The following USP38 variants were observed in gnomAD, a reference collection of about 807,000 sequenced individuals.
The protein encoded by USP38 is ubiquitin specific peptidase 38, also known as ubiquitin carboxyl-terminal hydrolase 38.
A neutral mutation model predicts 94.3 loss-of-function variants in USP38; 49 were observed. The observed-to-expected ratio is 0.52, with a 90% CI of 0.41 to 0.66. The LOEUF (loss-of-function observed/expected upper bound fraction) is 0.66, where lower values mean the gene tolerates loss of function less well. Among genes scored for constraint, USP38 ranks in the 30% least tolerant of loss-of-function variants. The pLI, the probability that USP38 is intolerant of heterozygous loss-of-function variation, is 0.00. For synonymous variants in USP38, 468 were observed against 463.6 expected, an observed-to-expected ratio of 1.01 and a Z score of -0.12; for missense variants, 1,128 against 1,229.4, an observed-to-expected ratio of 0.92 and a Z score of 1.23.
At chr4:143,204,531 A>T (rs1048325110) in intron 5 of USP38, 3 of 397,918 alleles carry the variant, frequency 7.5e-6, no homozygotes, top group Non-Finnish European at 1.5e-5. Context: ...CTGGGACTCC[A>T]GGTGCACACC....
chr4:143,199,494 T>G (rs1218943286), intron 4 of USP38, among the ~76,000 whole-genome samples: 1 of 152,204 alleles, frequency 6.6e-6, no homozygotes, highest in Non-Finnish European at 1.5e-5. Context: ...CCTCTTGGTG[T>G]ATACCCCATA....
intron 8 of USP38, 122 bp from the exon 9 acceptor site, chr4:143,213,459 A>C: frequency 8.6e-7 from 1 of 1,158,814 alleles, no homozygotes; most frequent in Non-Finnish European, 1.2e-6. Flanking sequence ...TAAAACAGGA[A>C]AAACCTGATT....
chr4:143,188,118 G>A (rs1731282754), intron 2 of USP38, among the ~76,000 whole-genome samples, 157 bp downstream of exon 2: 1 of 152,038 alleles, frequency 6.6e-6, no homozygotes, highest in Non-Finnish European at 1.5e-5. Context: ...TGTTTATAGC[G>A]TTGACAGGCA....
chr4:143,199,946 G>T (rs1731663610), intron 4 of USP38, among the ~76,000 whole-genome samples: 1 of 152,136 alleles, frequency 6.6e-6, no homozygotes, highest in Non-Finnish European at 1.5e-5. Context: ...TCTGTTGATA[G>T]TTTCTTTTGC....
At position 143,213,675 on chromosome 4, in the gene USP38, A is replaced by G. The variant is rs750404909; in HGVS notation, c.1699A>G (p.Ser567Gly). The G allele has an allele frequency of 6.2e-7, 1 of 1,613,610 alleles. No homozygotes were observed. Among genetic ancestry groups the G allele is most frequent in the East Asian group, 2.2e-5 (1 of 44,796 alleles). ...CSETSLQEVASKAAVLTETPR... is the reference protein window; with the variant it reads ...CSETSLQEVAGKAAVLTETPR... ...TGAAACTTCTTTACAGGAAGTAGCT[A>G]GTAAAGCAGCAGTACTAACAGAGAC... is the stretch of plus-strand genomic sequence containing the variant. The change falls in exon 9 of 10, where the codon AGT becomes GGT. Residue 567 changes from serine to glycine, a missense_variant. Coordinates refer to ENST00000307017, the MANE Select transcript of USP38 (RefSeq NM_032557.6).
chr4:143,217,812 C>T (rs572834058), intron 9 of USP38, among the ~76,000 whole-genome samples: 1 of 152,298 alleles, frequency 6.6e-6, no homozygotes, highest in African/African-American at 2.4e-5. Context: ...AAACCATTCT[C>T]TACTCTGTGT....
intron 2 of USP38, among the ~76,000 whole-genome samples, chr4:143,193,143 T>C (rs1474449317): frequency 6.6e-6 from 1 of 152,192 alleles, no homozygotes; most frequent in Non-Finnish European, 1.5e-5. Flanking sequence ...ACATCTTTTT[T>C]ATGTCCATAT....
In USP38 at chr4:143,190,678, T is replaced by C. The variant is rs183012728; in HGVS notation, c.818+2717T>C. Among the ~76,000 whole-genome samples, 28 of 152,304 alleles carry C rather than the reference T, an allele frequency of 1.8e-4. No homozygotes were observed. In the East Asian group the frequency reaches 2.9e-3, roughly 16 times the overall value. On this transcript the variant is annotated intron_variant, in intron 2 of 9. Transcript: ENST00000307017. ...ATTAATAAGTCCTTTGGATTATTTCTTTAGGACATTTCTTAAAATGATGCT... is the reference window on the plus strand; with the variant it reads ...ATTAATAAGTCCTTTGGATTATTTCCTTAGGACATTTCTTAAAATGATGCT...
Position 143,210,188 on chromosome 4 carries a change from G to A in USP38, c.1497+531G>A, listed in dbSNP as rs182714770. ...ATCTTTTATGTCCACACATTAATCC[G>A]GGGTCATTAATTTATGTTAATGGCA... is the stretch of plus-strand genomic sequence containing the variant. On this transcript the variant is annotated intron_variant, in intron 7 of 9. Coordinates refer to ENST00000307017, the MANE Select transcript of USP38 (RefSeq NM_032557.6). 5.0e-3 allele frequency among the ~76,000 whole-genome samples: 763 copies of A among 152,110 alleles called. 4 individuals are homozygous for A. The highest frequency in any genetic ancestry group is 0.017 in the African/African-American group (720 of 41,490).
At chr4:143,212,499 ACCTT>A in intron 8 of USP38, 75 bp downstream of exon 8, 2 of 837,506 alleles carry the variant, frequency 2.4e-6, no homozygotes, top group Non-Finnish European at 3.5e-6. Flanking sequence ...TATTGCTTTT[ACCTT>A]TAAAAACATA....
intron 3 of USP38, among the ~76,000 whole-genome samples, chr4:143,197,343 C>CA (rs2149606568): frequency 6.6e-6 from 1 of 152,310 alleles, no homozygotes; most frequent in Admixed American, 6.5e-5. Context: ...CCCTATTCAT[C>CA]ATACCCTGCT....
chr4:143,220,643 C>CT lies in USP38; in HGVS notation c.*188dup, dbSNP rs1732302194. 1 of 564,300 alleles carries CT rather than the reference C, an allele frequency of 1.8e-6. No individual in the cohort carries two copies. Among genetic ancestry groups the CT allele is most frequent in the Non-Finnish European group, 2.6e-6 (1 of 380,504 alleles). The allele number at this position is 564,300 out of a possible 1,614,324, so 35.0% of individuals were successfully genotyped here. On this transcript the variant is annotated 3_prime_UTR_variant, in exon 10 of 10. Coordinates refer to ENST00000307017, the MANE Select transcript of USP38 (RefSeq NM_032557.6). The stretch of plus-strand genomic sequence containing the variant: ...CAAAATGCATCATGGAAAAAAAAAT[C>CT]TACCTCTTAAAATTCCATTTGCTTT...
intron 9 of USP38, among the ~76,000 whole-genome samples, chr4:143,219,734 C>T (rs952046975): frequency 3.9e-5 from 6 of 152,054 alleles, no homozygotes; most frequent in African/African-American, 1.4e-4. Context: ...CCCTTTGAAG[C>T]TAAGCACCTA....
rs992329276 is a variant in USP38, at chr4:143,223,630, C to T, written c.*3174C>T. ...CACAGTTTAGGAAAAAAATAATTGGCACTGTTTGTCCAGTTACTGGAGATC... is the reference window on the plus strand; with the variant it reads ...CACAGTTTAGGAAAAAAATAATTGGTACTGTTTGTCCAGTTACTGGAGATC... On this transcript the variant is annotated 3_prime_UTR_variant, in exon 10 of 10. Transcript: ENST00000307017. The T allele has an allele frequency of 2.0e-5, 3 of 152,036 alleles. No individual in the cohort carries two copies. The highest frequency in any genetic ancestry group is 7.2e-5 in the African/African-American group (3 of 41,418). The allele number at this position is 152,036 out of a possible 1,614,324, so 9.4% of individuals were successfully genotyped here.
chr4:143,193,381 T>G (rs1464610309), intron 2 of USP38, among the ~76,000 whole-genome samples: 2 of 152,226 alleles, frequency 1.3e-5, no homozygotes, highest in Non-Finnish European at 2.9e-5. Flanking sequence ...TTAGGTTGTT[T>G]GCAGTTCTTC....
rs780720369 is a variant in USP38, at chr4:143,185,495, G to C, written c.45G>C (p.Leu15=). 2 of 1,608,072 alleles carry C rather than the reference G, an allele frequency of 1.2e-6. No homozygotes were observed. Among genetic ancestry groups the C allele is most frequent in the Admixed American group, 3.4e-5 (2 of 59,660 alleles). ...GCCTTGTGAGTTCCTCGCATCCCCTGCCCCTCAAGCGGGTGATTGTGCGGA... is the reference window on the plus strand; with the variant it reads ...GCCTTGTGAGTTCCTCGCATCCCCTCCCCCTCAAGCGGGTGATTGTGCGGA... ...LEGLVSSSHP[L]PLKRVIVRKV... The change falls in exon 1 of 10, where the codon CTG becomes CTC. Residue 15 remains leucine (L), a synonymous_variant. Coordinates refer to ENST00000307017, the MANE Select transcript of USP38 (RefSeq NM_032557.6).
rs148841148 is a variant in USP38, at chr4:143,213,772, G to A, written c.1796G>A (p.Arg599His). ...GGAGGAAAACTACGAACTCACATAC[G>A]TTGTTTGAACTGCAGGAGTACCTCA... is the stretch of plus-strand genomic sequence containing the variant. The part of the protein sequence containing the change: ...MFGGKLRTHI[R>H]CLNCRSTSQK... Residue 599 changes from arginine (R) to histidine (H), a missense_variant, in exon 9 of 10, where the codon CGT becomes CAT. Coordinates refer to ENST00000307017, the MANE Select transcript of USP38 (RefSeq NM_032557.6). 154 of 1,613,780 alleles carry A rather than the reference G, an allele frequency of 9.5e-5. No individual in the cohort carries two copies. The Admixed American group carries it at 1.5e-3, about 15-fold the overall frequency.
chr4:143,185,804 G>A lies in USP38; in HGVS notation c.354G>A (p.Pro118=), dbSNP rs200753261. 2.0e-4 allele frequency: 329 copies of A among 1,614,206 alleles called. 1 individual carries two copies. In the Admixed American group the frequency reaches 5.4e-3, roughly 26 times the overall value. The change falls in exon 1 of 10, where the codon CCG becomes CCA. Residue 118 remains proline (P), a synonymous_variant. Transcript: ENST00000307017. ...HNGLKLIMSC[P]SVLDLFSLLQ... ...GCCTGAAGCTGATTATGAGCTGTCC[G>A]TCGGTGCTGGATCTCTTTAGCCTCC...
intron 9 of USP38, among the ~76,000 whole-genome samples, chr4:143,217,216 G>A (rs867413786): frequency 1.4e-4 from 21 of 152,222 alleles, no homozygotes; most frequent in African/African-American, 5.1e-4. Flanking sequence ...AAAAGACTAC[G>A]TTCTTTATTC....
Sources: allele counts gnomAD v4.1 joint callset (sites outside exome capture counted in the v4.1 genomes callset), GRCh38; gene constraint gnomAD v4.1.1; transcripts MANE v1.5; gene names NCBI Gene and HGNC (gene_info 2026-07-23, HGNC 2026-07-21).